Variants in RIMS2 observed in about 807,000 individuals in gnomAD.
RIMS2 encodes regulating synaptic membrane exocytosis protein 2.
In RIMS2, 59 loss-of-function variants were observed where a neutral mutation model predicts 174.4. The ratio of observed to expected loss-of-function variants is 0.34; its 90% CI spans 0.27 to 0.42. RIMS2 has a LOEUF of 0.42. RIMS2 is among the 10% of genes least tolerant of loss of function. RIMS2 has a pLI of 1.00. For synonymous variants in RIMS2, 606 were observed against 572.5 expected, an observed-to-expected ratio of 1.06 and a Z score of -0.84; for missense variants, 1,620 against 1,666.3, an observed-to-expected ratio of 0.97 and a Z score of 0.48.
intron 19 of RIMS2, chr8:104,015,385 T>G (rs2095871470): frequency 1.5e-6 from 1 of 672,470 alleles, no homozygotes; most frequent in Admixed American, 2.3e-5. Context: ...TGTTTGTTTG[T>G]TTTTGTTCTG....
intron 19 of RIMS2, among the ~76,000 whole-genome samples, chr8:104,069,294 G>T (rs565892051): frequency 1.3e-5 from 2 of 152,120 alleles, no homozygotes; most frequent in African/African-American, 2.4e-5. Flanking sequence ...CTTACAGTGG[G>T]TTCATTGGGA....
At chr8:103,970,571 A>G (rs1483729549) in intron 15 of RIMS2, among the ~76,000 whole-genome samples, 2 of 152,180 alleles carry the variant, frequency 1.3e-5, no homozygotes, top group East Asian at 3.9e-4. Flanking sequence ...TGTGGAGTTT[A>G]TAACTCTCAG....
intron 4 of RIMS2, among the ~76,000 whole-genome samples, chr8:103,889,797 G>T (rs1407486504): frequency 6.6e-6 from 1 of 151,750 alleles, no homozygotes; most frequent in African/African-American, 2.4e-5. Context: ...ATTTATAATA[G>T]ATGTCATTTC....
At chr8:103,584,632 G>T (rs1338548253) in intron 1 of RIMS2, among the ~76,000 whole-genome samples, 1 of 152,150 alleles carries the variant, frequency 6.6e-6, no homozygotes, top group Non-Finnish European at 1.5e-5. Flanking sequence ...CTCTTTGCTT[G>T]TTTGTTTATG....
At chr8:103,631,238 T>A (rs948720222) in intron 1 of RIMS2, among the ~76,000 whole-genome samples, 1 of 152,136 alleles carries the variant, frequency 6.6e-6, no homozygotes, top group African/African-American at 2.4e-5. Flanking sequence ...TCTTCCAGGG[T>A]TTTTATAATT....
chr8:103,513,509 C>T (rs554372187), intron 1 of RIMS2, among the ~76,000 whole-genome samples: 3 of 152,078 alleles, frequency 2.0e-5, no homozygotes, highest in East Asian at 3.9e-4. Context: ...GACAGTAGCC[C>T]CTAATCAAAC....
At chr8:103,551,371 C>A (rs1847827676) in intron 1 of RIMS2, among the ~76,000 whole-genome samples, 1 of 152,172 alleles carries the variant, frequency 6.6e-6, no homozygotes, top group Non-Finnish European at 1.5e-5. Context: ...TCAATAGATG[C>A]AGAAAAGGCC....
intron 2 of RIMS2, among the ~76,000 whole-genome samples, chr8:103,751,270 A>G (rs2097887299): frequency 6.6e-6 from 1 of 152,142 alleles, no homozygotes; most frequent in African/African-American, 2.4e-5. Flanking sequence ...TACAAAGGAC[A>G]TGAACTCATC....
intron 2 of RIMS2, among the ~76,000 whole-genome samples, chr8:103,730,200 C>T (rs901146147): frequency 6.6e-6 from 1 of 151,908 alleles, no homozygotes; most frequent in African/African-American, 2.4e-5. Context: ...GGGTTTAAGT[C>T]TCTCTCTCTT....
intron 2 of RIMS2, among the ~76,000 whole-genome samples, chr8:103,703,337 A>G (rs1436464962): frequency 6.6e-6 from 1 of 152,098 alleles, no homozygotes; most frequent in Non-Finnish European, 1.5e-5. Flanking sequence ...TCGCAGATTC[A>G]CATGATTCTC....
chr8:103,682,043 T>C (rs1229121543), intron 1 of RIMS2, among the ~76,000 whole-genome samples: 2 of 152,054 alleles, frequency 1.3e-5, no homozygotes, highest in Non-Finnish European at 2.9e-5. Flanking sequence ...GCCTGTATAA[T>C]TGAATGGTGG....
intron 3 of RIMS2, among the ~76,000 whole-genome samples, chr8:103,773,336 A>G: frequency 6.6e-6 from 1 of 152,372 alleles, no homozygotes; most frequent in East Asian, 1.9e-4. Flanking sequence ...AAATAAGCCT[A>G]AAGTATAAGA....
intron 1 of RIMS2, among the ~76,000 whole-genome samples, chr8:103,634,409 T>C (rs551844802): frequency 6.6e-6 from 1 of 152,362 alleles, no homozygotes; most frequent in African/African-American, 2.4e-5. Flanking sequence ...TCAGTTCTTT[T>C]ACATTTGTTG....
At chr8:104,223,644 C>A (rs1215068661) in intron 19 of RIMS2, 1 of 1,587,154 alleles carries the variant, frequency 6.3e-7, no homozygotes, top group East Asian at 2.3e-5. Context: ...AGCGGGTCCT[C>A]GTCCAAGATG....
chr8:103,779,521 T>C (rs2098360682), intron 3 of RIMS2, among the ~76,000 whole-genome samples: 1 of 152,088 alleles, frequency 6.6e-6, no homozygotes, highest in Non-Finnish European at 1.5e-5. Flanking sequence ...ACCCTATGAA[T>C]GTTCTTGGTG....
intron 1 of RIMS2, among the ~76,000 whole-genome samples, chr8:103,670,137 A>C (rs1004065738): frequency 2.0e-5 from 3 of 152,256 alleles, no homozygotes; most frequent in African/African-American, 4.8e-5. Context: ...CACCAGGTGG[A>C]AGCTGCCAAG....
downstream of RIMS2, chr8:104,252,161 T>G: frequency 7.2e-6 from 2 of 276,260 alleles, 1 homozygote; most frequent in Non-Finnish European, 1.4e-5. Context: ...TTATCATTCC[T>G]TTTTCTTCAT....
chr8:104,058,971 G>A (rs888906346), intron 19 of RIMS2, among the ~76,000 whole-genome samples: 7 of 152,014 alleles, frequency 4.6e-5, no homozygotes, highest in African/African-American at 1.7e-4. Flanking sequence ...GGTTACTGTA[G>A]CCTTGTAGTA....
chr8:104,061,415 G>A (rs137888169), intron 19 of RIMS2, among the ~76,000 whole-genome samples: 5 of 151,976 alleles, frequency 3.3e-5, no homozygotes, highest in East Asian at 1.9e-4. Context: ...AAAGCAAGTC[G>A]TGTATCTTGT....
Sources: allele counts gnomAD v4.1 joint callset (sites outside exome capture counted in the v4.1 genomes callset), GRCh38; gene constraint gnomAD v4.1.1; transcripts MANE v1.5; gene names NCBI Gene and HGNC (gene_info 2026-07-23, HGNC 2026-07-21).